NLGN1: variants seen among roughly 807,000 people sequenced by gnomAD.
NLGN1 encodes the protein neuroligin 1.
Under a neutral mutation model 65.5 loss-of-function variants are expected in NLGN1, and 12 were observed. The observed-to-expected ratio is 0.18, with a 90% CI of 0.12 to 0.30. The LOEUF (loss-of-function observed/expected upper bound fraction) is 0.30, where lower values mean the gene tolerates loss of function less well. NLGN1 is among the 10% of genes least tolerant of loss of function. The pLI, the probability that NLGN1 is intolerant of heterozygous loss-of-function variation, is 1.00. For synonymous variants in NLGN1, 350 were observed against 359.5 expected (o/e 0.97, Z 0.30); for missense variants, 750 against 1,007.1 (o/e 0.74, Z 3.46).
chr3:174,181,056 CAG>C (rs1176457283), intron 4 of NLGN1, among the ~76,000 whole-genome samples: 1 of 152,148 alleles, frequency 6.6e-6, no homozygotes. Flanking sequence ...TTCTCCATGT[CAG>C]AGACCTGTGT....
chr3:173,588,796 T>A (rs1244234685), intron 2 of NLGN1, among the ~76,000 whole-genome samples: 1 of 152,180 alleles, frequency 6.6e-6, no homozygotes, highest in East Asian at 1.9e-4. Flanking sequence ...AGGCAGTCTG[T>A]CATCCTGACA....
intron 4 of NLGN1, among the ~76,000 whole-genome samples, chr3:174,014,856 T>C (rs539473038): frequency 6.6e-6 from 1 of 152,268 alleles, no homozygotes; most frequent in Non-Finnish European, 1.5e-5. Flanking sequence ...CTTGGCTCAG[T>C]TCCTGACCCC....
At chr3:173,586,808 G>A (rs1166518014) in intron 2 of NLGN1, among the ~76,000 whole-genome samples, 3 of 152,050 alleles carry the variant, frequency 2.0e-5, no homozygotes, top group African/African-American at 7.2e-5. Flanking sequence ...TATAAGTCAC[G>A]TGGTTCACGT....
intron 2 of NLGN1, among the ~76,000 whole-genome samples, chr3:173,547,630 A>G (rs940723136): frequency 3.3e-5 from 5 of 152,174 alleles, no homozygotes; most frequent in Admixed American, 2.0e-4. Context: ...GCTACTAAAC[A>G]TAAGTTCTTC....
intron 2 of NLGN1, among the ~76,000 whole-genome samples, chr3:173,438,633 T>A (rs1431859068): frequency 1.3e-5 from 2 of 152,160 alleles, no homozygotes; most frequent in Non-Finnish European, 2.9e-5. Flanking sequence ...AGTTTAGAGC[T>A]GAAATTATTA....
intron 2 of NLGN1, among the ~76,000 whole-genome samples, chr3:173,501,110 T>TTTTTATTTA (rs1247520122): frequency 1.3e-5 from 2 of 152,144 alleles, no homozygotes. Context: ...ATTTTGTTAA[T>TTTTTATTTA]TTTTAGTTTA....
intron 4 of NLGN1, among the ~76,000 whole-genome samples, chr3:174,081,269 A>G (rs747155029): frequency 2.6e-4 from 39 of 152,158 alleles, no homozygotes; most frequent in Non-Finnish European, 2.6e-4. Context: ...AAATTATAGA[A>G]GCTTCCTTTC....
At chr3:173,716,544 C>CAG (rs1769878749) in intron 3 of NLGN1, among the ~76,000 whole-genome samples, 1 of 152,100 alleles carries the variant, frequency 6.6e-6, no homozygotes, top group Admixed American at 6.6e-5. Context: ...TGGAGCTCAT[C>CAG]AGAGCCCATT....
At chr3:173,678,752 A>G (rs1763523624) in intron 3 of NLGN1, among the ~76,000 whole-genome samples, 1 of 152,128 alleles carries the variant, frequency 6.6e-6, no homozygotes, top group Non-Finnish European at 1.5e-5. Flanking sequence ...CCTGCCAACA[A>G]CATGGAAAAT....
rs182346004 is a variant in NLGN1 at position 173,977,023 on chromosome 3, G to A, written c.646+169191G>A. Among the ~76,000 whole-genome samples the A allele has an allele frequency of 6.4e-4, 98 of 152,024 alleles. 2 individuals are homozygous for A. The highest frequency in any genetic ancestry group is 2.3e-3 in the African/African-American group (95 of 41,488). On this transcript the variant is annotated intron_variant, in intron 4 of 6. Transcript: ENST00000457714. ...TGTGCCAGGCACAATGCTAAGTGCA[G>A]CAGATAGAATTGTGAGCAAATAGTC...
chr3:173,828,417 G>A (rs574559834), intron 4 of NLGN1, among the ~76,000 whole-genome samples: 98 of 152,208 alleles, frequency 6.4e-4, no homozygotes, highest in Middle Eastern at 6.8e-3. Context: ...AGTGGGAGCT[G>A]TCCCAGGATA....
intron 4 of NLGN1, among the ~76,000 whole-genome samples, chr3:174,163,199 A>G (rs1455543892): frequency 1.3e-5 from 2 of 152,010 alleles, no homozygotes; most frequent in African/African-American, 2.4e-5. Context: ...TAAGAATACG[A>G]GCATCAACCT....
intron 3 of NLGN1, among the ~76,000 whole-genome samples, chr3:173,765,425 A>G (rs936376416): frequency 2.6e-5 from 4 of 152,156 alleles, no homozygotes; most frequent in Admixed American, 6.5e-5. Flanking sequence ...AGGATATGCA[A>G]AATAAAAAAC....
At chr3:173,629,464 C>T (rs1755340804) in intron 3 of NLGN1, among the ~76,000 whole-genome samples, 1 of 152,104 alleles carries the variant, frequency 6.6e-6, no homozygotes, top group Non-Finnish European at 1.5e-5. Context: ...GATCAATAGA[C>T]AATTACCTTT....
intron 4 of NLGN1, among the ~76,000 whole-genome samples, chr3:174,032,615 C>T (rs1173675588): frequency 1.3e-5 from 2 of 152,132 alleles, no homozygotes; most frequent in African/African-American, 4.8e-5. Context: ...CTAGGGGCTG[C>T]AGTCTTAGAG....
intron 4 of NLGN1, among the ~76,000 whole-genome samples, chr3:174,140,080 T>C (rs1198209876): frequency 6.6e-6 from 1 of 152,178 alleles, no homozygotes; most frequent in Non-Finnish European, 1.5e-5. Context: ...TTTTCTTCTG[T>C]TGAAATATTA....
intron 4 of NLGN1, among the ~76,000 whole-genome samples, chr3:174,015,460 A>G (rs908982520): frequency 3.9e-5 from 6 of 152,118 alleles, no homozygotes; most frequent in African/African-American, 1.4e-4. Flanking sequence ...TGTCTCTTCT[A>G]TATGGACACT....
In NLGN1 at chr3:173,670,917, G is replaced by A. The variant is rs536671641; in HGVS notation, c.493+65826G>A. Among the ~76,000 whole-genome samples, 3 of 152,248 alleles carry A rather than the reference G, an allele frequency of 2.0e-5. No homozygotes were observed. In the South Asian group the frequency reaches 6.2e-4, roughly 32 times the overall value. On this transcript the variant is annotated intron_variant, in intron 3 of 6. Coordinates refer to ENST00000457714, the Ensembl canonical transcript of NLGN1. ...AAAAGGAAAACACAGTACTCAAAAA[G>A]CATTAAATGTACTCAAATAAATTAC...
chr3:174,084,109 A>G (rs756285152), intron 4 of NLGN1, among the ~76,000 whole-genome samples: 1 of 152,180 alleles, frequency 6.6e-6, no homozygotes, highest in Non-Finnish European at 1.5e-5. Flanking sequence ...TTTTTAAAGA[A>G]TTTTTTTAAC....
Sources: allele counts gnomAD v4.1 joint callset (sites outside exome capture counted in the v4.1 genomes callset), GRCh38; gene constraint gnomAD v4.1.1; transcripts MANE v1.5; gene names NCBI Gene and HGNC (gene_info 2026-07-23, HGNC 2026-07-21).